PRKD1: variants seen among roughly 807,000 people sequenced by gnomAD.
The protein encoded by PRKD1 is protein kinase D1, also known as serine/threonine-protein kinase D1.
Under a neutral mutation model 95.9 loss-of-function variants are expected in PRKD1, and 63 were observed. The ratio of observed to expected loss-of-function variants is 0.66; its 90% CI spans 0.54 to 0.81. The LOEUF (loss-of-function observed/expected upper bound fraction) is 0.81, where lower values mean the gene tolerates loss of function less well. PRKD1 is among the 30% of genes least tolerant of loss of function. PRKD1 has a pLI of 0.00. For missense variants in PRKD1, 1,048 were observed against 1,165.3 expected (o/e 0.90, Z 1.47); for synonymous variants, 425 against 423.1 (o/e 1.00, Z -0.05).
chr14:29,751,261 A>C (rs1382993148), intron 1 of PRKD1: 1 of 152,236 alleles, frequency 6.6e-6, no homozygotes, highest in Non-Finnish European at 1.5e-5. Context: ...TGCTTCTTTG[A>C]AAAAGCCTGA....
intron 1 of PRKD1, among the ~76,000 whole-genome samples, chr14:29,743,955 C>A (rs2139440335): frequency 1.3e-5 from 2 of 152,282 alleles, no homozygotes; most frequent in South Asian, 4.1e-4. Context: ...TTTTACTGAA[C>A]CCTCTTTTTC....
intron 2 of PRKD1, among the ~76,000 whole-genome samples, chr14:29,715,181 T>C (rs756697505): frequency 2.4e-4 from 37 of 152,124 alleles, no homozygotes; most frequent in Non-Finnish European, 5.0e-4. Flanking sequence ...CATAACATCA[T>C]TCAATATGTC....
At chr14:29,819,633 T>C (rs932535242) in intron 1 of PRKD1, among the ~76,000 whole-genome samples, 1 of 152,006 alleles carries the variant, frequency 6.6e-6, no homozygotes, top group Non-Finnish European at 1.5e-5. Context: ...GAGCTTGCAG[T>C]GAGCCGAGAT....
In PRKD1 at chr14:29,675,887, A is replaced by C. The variant is rs1162699460; in HGVS notation, c.404-9679T>G. On this transcript the variant is annotated intron_variant, in intron 2 of 17. Transcript: ENST00000331968. ...AGCAAACTATCGCAAGGACAAAAAC[A>C]CAAACACCGCATGTTCTCACTCATA... Among the ~76,000 whole-genome samples the C allele has an allele frequency of 7.3e-5, 11 of 150,516 alleles. No homozygotes were observed. In the South Asian group the frequency reaches 1.1e-3, roughly 15 times the overall value.
chr14:29,904,360 T>C (rs1894422959), intron 1 of PRKD1, among the ~76,000 whole-genome samples: 2 of 152,338 alleles, frequency 1.3e-5, no homozygotes, highest in Admixed American at 1.3e-4. Flanking sequence ...GCTTGATGCC[T>C]GAATTTAAAA....
At chr14:29,896,782 G>A (rs193041585) in intron 1 of PRKD1, among the ~76,000 whole-genome samples, 126 of 150,040 alleles carry the variant, frequency 8.4e-4, no homozygotes, top group Admixed American at 2.6e-3. Flanking sequence ...CACCATAACC[G>A]ACATGCAAAT....
At chr14:29,810,977 A>C (rs1487169501) in intron 1 of PRKD1, among the ~76,000 whole-genome samples, 1 of 152,208 alleles carries the variant, frequency 6.6e-6, no homozygotes, top group Non-Finnish European at 1.5e-5. Flanking sequence ...AGTCTCACTG[A>C]ATATCTTCTT....
intron 10 of PRKD1, among the ~76,000 whole-genome samples, chr14:29,630,000 T>C (rs1319100806): frequency 1.4e-5 from 2 of 139,974 alleles, no homozygotes; most frequent in Admixed American, 7.1e-5. Flanking sequence ...CTTCTTCTTC[T>C]TCTCCTTCTC....
intron 1 of PRKD1, among the ~76,000 whole-genome samples, chr14:29,826,534 T>C (rs1891126400): frequency 9.8e-6 from 1 of 102,348 alleles, no homozygotes. Flanking sequence ...ATATATATGA[T>C]GGAATATATG....
intron 1 of PRKD1, among the ~76,000 whole-genome samples, chr14:29,842,147 C>T (rs541053401): frequency 6.6e-6 from 1 of 152,306 alleles, no homozygotes; most frequent in South Asian, 2.1e-4. Context: ...ATGCTTTCTT[C>T]TGGAATACCT....
chr14:29,646,790 C>T (rs1445137613), intron 4 of PRKD1, among the ~76,000 whole-genome samples: 1 of 150,514 alleles, frequency 6.6e-6, no homozygotes, highest in Non-Finnish European at 1.5e-5. Context: ...TGCAACAACA[C>T]TACATGAATA....
chr14:29,790,881 T>C (rs922325290), intron 1 of PRKD1, among the ~76,000 whole-genome samples: 4 of 152,208 alleles, frequency 2.6e-5, no homozygotes, highest in African/African-American at 9.6e-5. Flanking sequence ...ATTATGATAG[T>C]CATAAGTGTT....
At chr14:29,668,848 T>C (rs758236623) in intron 2 of PRKD1, among the ~76,000 whole-genome samples, 25 of 152,180 alleles carry the variant, frequency 1.6e-4, no homozygotes, top group Non-Finnish European at 1.0e-4. Context: ...GCTTAAGCAA[T>C]CTATAAGGTA....
chr14:29,794,156 A>T (rs1889703013), intron 1 of PRKD1, among the ~76,000 whole-genome samples: 1 of 152,054 alleles, frequency 6.6e-6, no homozygotes, highest in African/African-American at 2.4e-5. Flanking sequence ...AGAATTTTTA[A>T]GTTATTTTAG....
At chr14:29,699,263 T>C (rs61978001) in intron 2 of PRKD1, among the ~76,000 whole-genome samples, 5,512 of 152,300 alleles carry the variant, frequency 0.036, 124 homozygotes, top group Non-Finnish European at 0.058. Flanking sequence ...GCTTTACCAA[T>C]TTACCTTCCA....
intron 1 of PRKD1, among the ~76,000 whole-genome samples, chr14:29,899,417 T>C (rs1291885191): frequency 3.9e-5 from 6 of 152,046 alleles, no homozygotes; most frequent in African/African-American, 1.4e-4. Context: ...GAGGCCGAGG[T>C]GCACAGATCA....
At chr14:29,714,773 C>CAGCCAT (rs991210140) in intron 2 of PRKD1, among the ~76,000 whole-genome samples, 1 of 152,168 alleles carries the variant, frequency 6.6e-6, no homozygotes, top group Admixed American at 6.5e-5. Flanking sequence ...GAATACCATG[C>CAGCCAT]AGCCATAAAA....
chr14:29,915,533 TTCTC>T (rs1248201936), intron 1 of PRKD1, among the ~76,000 whole-genome samples: 8 of 152,156 alleles, frequency 5.3e-5, no homozygotes, highest in African/African-American at 7.2e-5. Context: ...AGTTCTAATG[TTCTC>T]TCTATTAATT....
At chr14:29,650,609 G>A (rs971385307) in intron 4 of PRKD1, 7 of 152,236 alleles carry the variant, frequency 4.6e-5, no homozygotes, top group African/African-American at 1.4e-4. Flanking sequence ...CACTGGCTTA[G>A]TGGACATGTA....
Sources: gnomAD v4.1 joint callset for allele counts (sites outside exome capture counted in the v4.1 genomes callset) on GRCh38, gnomAD v4.1.1 for gene constraint, MANE v1.5 for transcripts, NCBI Gene and HGNC (gene_info 2026-07-23, HGNC 2026-07-21) for gene names.